GALNT15: variants seen among roughly 807,000 people sequenced by gnomAD.
GALNT15 encodes the protein UDP-GalNAc transferase T15.
A neutral mutation model predicts 66.8 loss-of-function variants in GALNT15; 67 were observed. That is an observed-to-expected ratio of 1.00 (90% CI 0.82 to 1.23). The LOEUF (loss-of-function observed/expected upper bound fraction) is 1.23, where lower values mean the gene tolerates loss of function less well. Among genes scored for constraint, GALNT15 ranks in the 50% most tolerant of loss-of-function variants. The pLI is 0.00. For missense variants in GALNT15, 827 were observed against 804.3 expected, an observed-to-expected ratio of 1.03 and a Z score of -0.34; for synonymous variants, 313 against 311.5, an observed-to-expected ratio of 1.00 and a Z score of -0.05.
At chr3:16,221,412 G>A (rs2063941323) in intron 8 of GALNT15, among the ~76,000 whole-genome samples, 2 of 152,012 alleles carry the variant, frequency 1.3e-5, no homozygotes, top group South Asian at 4.2e-4. Flanking sequence ...TTATAAGAAA[G>A]AAAGGGAAAC....
intron 3 of GALNT15, among the ~76,000 whole-genome samples, chr3:16,205,683 T>C (rs1002094769): frequency 3.9e-5 from 6 of 152,228 alleles, no homozygotes; most frequent in Admixed American, 3.9e-4. Flanking sequence ...CAAAGCTAAA[T>C]AGAAGACTGT....
chr3:16,200,613 T>A lies in GALNT15; in HGVS notation c.707-6T>A. 6.5e-7 allele frequency: 1 copy of A among 1,527,570 alleles called. No individual in the cohort carries two copies. The highest frequency in any genetic ancestry group is 1.4e-5 in the African/African-American group (1 of 72,178). The allele number at this position is 1,527,570 out of a possible 1,614,324, so 94.6% of individuals were successfully genotyped here. A position where few individuals can be genotyped will look rare whatever the true frequency, so the allele number is the denominator to read the frequency against. Reference sequence around the variant, plus strand: ...ATTCCACTGACCACAACCCTGTTGATTCCAGGACAACTCAAGTCTGCTCTC... The same window carrying A: ...ATTCCACTGACCACAACCCTGTTGAATCCAGGACAACTCAAGTCTGCTCTC... On this transcript the variant is annotated splice_region_variant and splice_polypyrimidine_tract_variant and intron_variant, in intron 2 of 9. Coordinates refer to ENST00000339732, the MANE Select transcript of GALNT15 (RefSeq NM_054110.5). The surrounding 1 kb of genome is among the most constrained non-coding windows in gnomAD (Gnocchi z 4.4).
At chr3:16,240,453 T>G in the GALNT15 span, among the ~76,000 whole-genome samples, 995 of 152,330 alleles carry the variant, frequency 6.5e-3, 3 homozygotes, top group Non-Finnish European at 0.011. Context: ...CAGAGTTGAA[T>G]ATGGACTCCC....
At chr3:16,237,557 TCA>T in the GALNT15 span, among the ~76,000 whole-genome samples, 2 of 152,330 alleles carry the variant, frequency 1.3e-5, no homozygotes, top group East Asian at 3.9e-4. This position sits in a 1 kb window ranked among gnomAD's most constrained non-coding sequence, Gnocchi z 4.2. Context: ...TAGTGAGCCT[TCA>T]CCATGCACAA....
rs969713719 is a variant in GALNT15, at chr3:16,199,019, C to G, written c.707-1600C>G. On this transcript the variant is annotated intron_variant, in intron 2 of 9. Coordinates refer to ENST00000339732, the MANE Select transcript of GALNT15 (RefSeq NM_054110.5). ...CTGAGTGCCTACTGTGGGCCAGGCC[C>G]TGCACTAAGGGTTAGAGCAGAAGAG... Among the ~76,000 whole-genome samples the G allele has an allele frequency of 7.7e-5, 11 of 142,698 alleles. 2 individuals carry two copies. Among genetic ancestry groups the G allele is most frequent in the Non-Finnish European group, 1.6e-4 (10 of 64,438 alleles). 93.6% of individuals were successfully genotyped at this position (142,698 alleles called of 152,430 possible).
chr3:16,243,895 C>T, the GALNT15 span: 1 of 572,434 alleles, frequency 1.7e-6, no homozygotes, highest in Non-Finnish European at 2.2e-6. Context: ...CTCACTCCAC[C>T]ACAGCCACAG....
rs1237301532 is a variant in GALNT15 at position 16,200,678 on chromosome 3, A to C, written c.766A>C (p.Arg256=). 1 of 1,606,886 alleles carries C rather than the reference A, an allele frequency of 6.2e-7. No homozygotes were observed. Among genetic ancestry groups the C allele is most frequent in the Non-Finnish European group, 8.5e-7 (1 of 1,176,688 alleles). The change falls in exon 3 of 10, where the codon AGG becomes CGG. Residue 256 remains arginine, a synonymous_variant. Transcript: ENST00000339732. The surrounding 1 kb of genome is among the most constrained non-coding windows in gnomAD (Gnocchi z 4.4). ...VARLEGVKLL[R]SNKRLGAIRA... ...CAGGCTGGAGGGGGTGAAGTTACTCAGGAGCAACAAGAGGCTGGGTGCCAT... is the reference window on the plus strand; with the variant it reads ...CAGGCTGGAGGGGGTGAAGTTACTCCGGAGCAACAAGAGGCTGGGTGCCAT...
rs1380611066 is a variant in GALNT15, at chr3:16,214,601, G to A, written c.1392+1838G>A. 3.9e-5 allele frequency among the ~76,000 whole-genome samples: 6 copies of A among 151,902 alleles called. No homozygotes were observed. The East Asian group carries it at 7.8e-4, about 20-fold the overall frequency. On this transcript the variant is annotated intron_variant, in intron 6 of 9. Transcript: ENST00000339732. ...CCTGCTCTGTGCCAGGCCCTGGGTG[G>A]GTCCTGCAGGGGACAGAGAACCATA...
chr3:16,215,925 AGAAGAG>A (rs1468114282), intron 6 of GALNT15, among the ~76,000 whole-genome samples: 1 of 149,006 alleles, frequency 6.7e-6, no homozygotes, highest in Non-Finnish European at 1.5e-5. Context: ...AAAAAAAAAA[AGAAGAG>A]GAAGAAGAAG....
At position 16,200,893 on chromosome 3, in the gene GALNT15, C is replaced by T; in HGVS notation, c.911+70C>T. On this transcript the variant is annotated intron_variant, in intron 3 of 9. Transcript: ENST00000339732. This position sits in a 1 kb window ranked among gnomAD's most constrained non-coding sequence, Gnocchi z 4.4. ...GAAACAGTCTACAGCATCAGCCACTCACAGAGCAACCCACCTATTAATTCC... is the reference window on the plus strand; with the variant it reads ...GAAACAGTCTACAGCATCAGCCACTTACAGAGCAACCCACCTATTAATTCC... 2 of 1,188,342 alleles carry T rather than the reference C, an allele frequency of 1.7e-6. No individual in the cohort carries two copies. The highest frequency in any genetic ancestry group is 2.3e-6 in the Non-Finnish European group (2 of 852,000). The allele number at this position is 1,188,342 out of a possible 1,614,324, so 73.6% of individuals were successfully genotyped here.
At chr3:16,212,262 T>C (rs906287003) in intron 5 of GALNT15, among the ~76,000 whole-genome samples, 16 of 152,230 alleles carry the variant, frequency 1.1e-4, no homozygotes, top group African/African-American at 3.6e-4. Context: ...CTAATTCACA[T>C]GCTACATCTC....
In GALNT15 at chr3:16,200,613, T is replaced by C. The variant is rs1195376792; in HGVS notation, c.707-6T>C. The C allele has an allele frequency of 1.3e-6, 2 of 1,527,570 alleles. No homozygotes were observed. Among genetic ancestry groups the C allele is most frequent in the Non-Finnish European group, 1.8e-6 (2 of 1,135,638 alleles). The allele number at this position is 1,527,570 out of a possible 1,614,324, so 94.6% of individuals were successfully genotyped here. On this transcript the variant is annotated splice_region_variant and splice_polypyrimidine_tract_variant and intron_variant, in intron 2 of 9. Transcript: ENST00000339732. The surrounding 1 kb of genome is among the most constrained non-coding windows in gnomAD (Gnocchi z 4.4). ...ATTCCACTGACCACAACCCTGTTGA[T>C]TCCAGGACAACTCAAGTCTGCTCTC...
At chr3:16,192,487 A>G (rs1453000306) in intron 1 of GALNT15, among the ~76,000 whole-genome samples, 1 of 151,826 alleles carries the variant, frequency 6.6e-6, no homozygotes, top group Non-Finnish European at 1.5e-5. Flanking sequence ...TTTCATACCC[A>G]CTAAATTCAC....
chr3:16,220,262 C>T (rs1023542805), intron 8 of GALNT15: 26 of 499,644 alleles, frequency 5.2e-5, no homozygotes, highest in African/African-American at 1.2e-4. Flanking sequence ...ATGGAGAAGC[C>T]GTTTGGCCAA....
intron 3 of GALNT15, among the ~76,000 whole-genome samples, chr3:16,206,461 T>C (rs2063757813): frequency 1.3e-5 from 2 of 150,908 alleles, no homozygotes; most frequent in Middle Eastern, 6.9e-3. Flanking sequence ...GATCACTAGG[T>C]CAGGAGATCG....
rs116736756 is a variant in GALNT15, at chr3:16,219,768, A to G, written c.1525-142A>G. 535 of 883,078 alleles carry G rather than the reference A, an allele frequency of 6.1e-4. 2 individuals carry two copies. In the African/African-American group the frequency reaches 7.6e-3, roughly 13 times the overall value. The allele number at this position is 883,078 out of a possible 1,614,324, so 54.7% of individuals were successfully genotyped here. A position where few individuals can be genotyped will look rare whatever the true frequency, so the allele number is the denominator to read the frequency against. ...CCTGTCCCTTAGGGTCAGTGGCTTC[A>G]GCTTTACCACACCTGTTGTTGTGGC... On this transcript the variant is annotated intron_variant, in intron 7 of 9. Coordinates refer to ENST00000339732, the MANE Select transcript of GALNT15 (RefSeq NM_054110.5). The surrounding 1 kb of genome is among the most constrained non-coding windows in gnomAD (Gnocchi z 4.3).
chr3:16,219,579 C>T lies in GALNT15; in HGVS notation c.1524+45C>T, dbSNP rs2063918771. The T allele has an allele frequency of 6.2e-7, 1 of 1,605,780 alleles. No homozygotes were observed. ...AGATGGGGAGGGACAGGGAAGCTTC[C>T]CAAGACAAGAACTAGATGTTCAGCT... On this transcript the variant is annotated intron_variant, in intron 7 of 9. Coordinates refer to ENST00000339732, the MANE Select transcript of GALNT15 (RefSeq NM_054110.5). The surrounding 1 kb of genome is among the most constrained non-coding windows in gnomAD (Gnocchi z 4.3).
At chr3:16,198,213 A>G (rs1204749978) in intron 2 of GALNT15, among the ~76,000 whole-genome samples, 2 of 142,450 alleles carry the variant, frequency 1.4e-5, no homozygotes, top group Non-Finnish European at 3.1e-5. Context: ...TCTGCTTTCC[A>G]CTTCAACATG....
chr3:16,222,292 A>G (rs1315495287), intron 8 of GALNT15, among the ~76,000 whole-genome samples: 1 of 152,214 alleles, frequency 6.6e-6, no homozygotes. Context: ...GAGGTTCCTC[A>G]TCTGTGCTTT....
Sources: allele counts gnomAD v4.1 joint callset (sites outside exome capture counted in the v4.1 genomes callset), GRCh38; gene constraint gnomAD v4.1.1; non-coding constraint Gnocchi (gnomAD v3.1); transcripts MANE v1.5; gene names NCBI Gene and HGNC (gene_info 2026-07-23, HGNC 2026-07-21).